Variants in CUL5 observed in about 807,000 individuals in gnomAD.
The protein encoded by CUL5 is cullin-5.
A neutral mutation model predicts 108.8 loss-of-function variants in CUL5; 26 were observed. The ratio of observed to expected loss-of-function variants is 0.24; its 90% CI spans 0.18 to 0.33. The LOEUF (loss-of-function observed/expected upper bound fraction) is 0.33, where lower values mean the gene tolerates loss of function less well. Ranked by LOEUF, CUL5 falls within the 10% of genes least tolerant of loss-of-function variation. CUL5 has a pLI of 1.00. For missense variants in CUL5, 524 were observed against 909.2 expected (o/e 0.58, Z 5.45); for synonymous variants, 334 against 298.0 (o/e 1.12, Z -1.25).
At chr11:108,030,339 T>TAAAAAGATAAG (rs1290675272) in intron 1 of CUL5, among the ~76,000 whole-genome samples, 4 of 152,160 alleles carry the variant, frequency 2.6e-5, no homozygotes, top group African/African-American at 9.7e-5. Flanking sequence ...CATGGGTCCT[T>TAAAAAGATAAG]ATGATAAGAA....
At chr11:108,083,938 C>T (rs190503666) in intron 11 of CUL5, among the ~76,000 whole-genome samples, 115 of 152,292 alleles carry the variant, frequency 7.6e-4, no homozygotes, top group Non-Finnish European at 1.3e-3. Context: ...GAACGTGGCC[C>T]AACACACACA....
chr11:108,090,363 G>C (rs749068618), intron 13 of CUL5, among the ~76,000 whole-genome samples: 1 of 151,586 alleles, frequency 6.6e-6, no homozygotes, highest in Admixed American at 6.6e-5. Flanking sequence ...GTGGTGGGGG[G>C]CCTGTAGTCC....
chr11:108,041,844 G>A (rs1430493975), intron 2 of CUL5, among the ~76,000 whole-genome samples: 2 of 151,980 alleles, frequency 1.3e-5, no homozygotes, highest in Admixed American at 1.3e-4. Context: ...CACCTGCCTC[G>A]GCCTCCCAAA....
intron 18 of CUL5, among the ~76,000 whole-genome samples, chr11:108,103,967 A>G (rs1864730822): frequency 2.0e-5 from 3 of 151,234 alleles, no homozygotes; most frequent in Admixed American, 2.0e-4. Flanking sequence ...CTATCCCCCC[A>G]CCCCAATAAG....
intron 11 of CUL5, among the ~76,000 whole-genome samples, chr11:108,085,313 A>G (rs1192003694): frequency 1.3e-5 from 2 of 152,192 alleles, no homozygotes; most frequent in Non-Finnish European, 2.9e-5. Flanking sequence ...GGTGATTCAA[A>G]TAAGCCAGAC....
In CUL5 at chr11:108,010,142, C is replaced by T. The variant is rs564771569; in HGVS notation, c.24+770C>T. Among the ~76,000 whole-genome samples, 3 of 152,372 alleles carry T rather than the reference C, an allele frequency of 2.0e-5. No homozygotes were observed. The South Asian group carries it at 6.2e-4, about 32-fold the overall frequency. ...AAAGTTTGGAGAAGAATGAGGAAGACTTAGAACTAGTCTGTTCTGTGTATG... is the reference window on the plus strand; with the variant it reads ...AAAGTTTGGAGAAGAATGAGGAAGATTTAGAACTAGTCTGTTCTGTGTATG... On this transcript the variant is annotated intron_variant, in intron 1 of 18. Coordinates refer to ENST00000393094, the MANE Select transcript of CUL5 (RefSeq NM_003478.6).
In CUL5 at chr11:108,069,523, A is replaced by G. The variant is rs75719579; in HGVS notation, c.781-573A>G. Among the ~76,000 whole-genome samples, 725 of 152,220 alleles carry G rather than the reference A, an allele frequency of 4.8e-3. 12 individuals carry two copies. Among genetic ancestry groups the G allele is most frequent in the East Asian group, 0.045 (232 of 5,162 alleles). On this transcript the variant is annotated intron_variant, in intron 7 of 18. Coordinates refer to ENST00000393094, the MANE Select transcript of CUL5 (RefSeq NM_003478.6). ...GATGAGGCCATTTTAACTACCCTAG[A>G]AAAAAGTAGTTTCTAAGTTTTTTTT... is the stretch of plus-strand genomic sequence containing the variant.
At chr11:108,089,371 C>T in intron 12 of CUL5, 121 bp from the exon 13 acceptor site, 1 of 604,768 alleles carries the variant, frequency 1.7e-6, no homozygotes, top group Non-Finnish European at 2.7e-6. Context: ...TTCAGTAGGC[C>T]TCTATCTGTA....
intron 18 of CUL5, 21 bp downstream of exon 18, chr11:108,098,550 G>A: frequency 7.1e-7 from 1 of 1,407,946 alleles, no homozygotes; most frequent in Non-Finnish European, 9.4e-7. Context: ...TTGACAGAAT[G>A]TCTGAAGTTT....
intron 7 of CUL5, among the ~76,000 whole-genome samples, chr11:108,064,717 A>AAAAAC (rs1445214106): frequency 6.6e-6 from 1 of 152,292 alleles, no homozygotes; most frequent in East Asian, 1.9e-4. Flanking sequence ...CTCAAAAAAC[A>AAAAAC]AAAACAAAAC....
In CUL5 at chr11:108,046,255, A is replaced by G; in HGVS notation, c.135-15A>G. On this transcript the variant is annotated splice_polypyrimidine_tract_variant and intron_variant, in intron 2 of 18. Coordinates refer to ENST00000393094, the MANE Select transcript of CUL5 (RefSeq NM_003478.6). ...TTTCATTATTAATGTTTGTTTACCT[A>G]CTTTATATTCACAGGGATGTGCATG... 1 of 1,545,884 alleles carries G rather than the reference A, an allele frequency of 6.5e-7. No individual in the cohort carries two copies. The highest frequency in any genetic ancestry group is 8.9e-7 in the Non-Finnish European group (1 of 1,126,330).
At chr11:108,059,773 A>C (rs1435668538) in intron 7 of CUL5, among the ~76,000 whole-genome samples, 1 of 151,600 alleles carries the variant, frequency 6.6e-6, no homozygotes, top group Non-Finnish European at 1.5e-5. Flanking sequence ...AATCTCAGCT[A>C]CTCGGGAGGC....
At chr11:108,081,908 AGTTG>A (rs1304462826) in intron 11 of CUL5, among the ~76,000 whole-genome samples, 1 of 152,166 alleles carries the variant, frequency 6.6e-6, no homozygotes, top group Non-Finnish European at 1.5e-5. Context: ...GCATGTTTCA[AGTTG>A]GTTCTTTTTC....
intron 1 of CUL5, among the ~76,000 whole-genome samples, chr11:108,015,823 G>T (rs1473176039): frequency 6.6e-6 from 1 of 152,154 alleles, no homozygotes. Flanking sequence ...GGTAAATTTT[G>T]ATCAGTCATT....
intron 11 of CUL5, among the ~76,000 whole-genome samples, chr11:108,079,873 C>T (rs1045190820): frequency 6.7e-6 from 1 of 150,352 alleles, no homozygotes; most frequent in Non-Finnish European, 1.5e-5. Flanking sequence ...AAGCTTCTTT[C>T]ATTCTGCATT....
chr11:108,086,275 C>G (rs1035666734), intron 11 of CUL5, among the ~76,000 whole-genome samples: 1 of 152,046 alleles, frequency 6.6e-6, no homozygotes, highest in Non-Finnish European at 1.5e-5. Flanking sequence ...AAAACAGCCA[C>G]GGGGGAAAAA....
intron 1 of CUL5, among the ~76,000 whole-genome samples, chr11:108,017,284 G>A (rs982113169): frequency 7.3e-5 from 11 of 151,360 alleles, no homozygotes; most frequent in Admixed American, 4.0e-4. Context: ...TAGCTACTCA[G>A]GAAGCTGAGT....
intron 7 of CUL5, among the ~76,000 whole-genome samples, chr11:108,064,445 C>T (rs550953810): frequency 9.9e-5 from 15 of 152,178 alleles, no homozygotes; most frequent in Non-Finnish European, 1.3e-4. Flanking sequence ...CAGTGGCTCA[C>T]GCCTGTAATC....
intron 3 of CUL5, among the ~76,000 whole-genome samples, chr11:108,049,517 A>G (rs1863157019): frequency 1.3e-5 from 2 of 151,466 alleles, no homozygotes. Context: ...AATTTTTTGT[A>G]TTATTTGTGG....
Sources: allele counts gnomAD v4.1 joint callset (sites outside exome capture counted in the v4.1 genomes callset), GRCh38; gene constraint gnomAD v4.1.1; transcripts MANE v1.5; gene names NCBI Gene and HGNC (gene_info 2026-07-23, HGNC 2026-07-21).